Variants in DLST observed in about 807,000 individuals in gnomAD.
DLST encodes the protein dihydrolipoamide S-succinyltransferase, also known as dihydrolipoyllysine-residue succinyltransferase component of 2-oxoglutarate dehydrogenase complex, mitochondrial.
A neutral mutation model predicts 53.1 loss-of-function variants in DLST; 17 were observed. The ratio of observed to expected loss-of-function variants is 0.32; its 90% CI spans 0.22 to 0.48. The LOEUF (loss-of-function observed/expected upper bound fraction) is 0.48. Among genes scored for constraint, DLST ranks in the 20% least tolerant of loss-of-function variants. The pLI, the probability that DLST is intolerant of heterozygous loss-of-function variation, is 0.99. For missense variants in DLST, 512 were observed against 583.9 expected, an observed-to-expected ratio of 0.88 and a Z score of 1.27; for synonymous variants, 206 against 204.8, an observed-to-expected ratio of 1.01 and a Z score of -0.05.
intron 7 of DLST, 87 bp downstream of exon 7, chr14:74,891,254 C>T: frequency 6.3e-7 from 1 of 1,578,482 alleles, no homozygotes; most frequent in Non-Finnish European, 8.6e-7. Flanking sequence ...CCCGATATGT[C>T]AAAGACTCTT....
At chr14:74,882,114 G>C (rs1456376184) in intron 1 of DLST, 98 bp downstream of exon 1, 1 of 1,128,386 alleles carries the variant, frequency 8.9e-7, no homozygotes, top group Admixed American at 4.0e-5. Context: ...CGGCCGGGCC[G>C]GGCACCAAGG....
Position 74,900,339 on chromosome 14 carries a change from T to C in DLST, c.1026T>C (p.Asp342=), listed in dbSNP as rs1351377225. 6.2e-7 allele frequency: 1 copy of C among 1,614,016 alleles called. No homozygotes were observed. The change falls in exon 13 of 15, where the codon GAT becomes GAC. Residue 342 remains aspartate, a synonymous_variant. Transcript: ENST00000334220. ...IRNVEAMNFA[D]IERTITELGE... is the part of the protein sequence containing the mutation. The stretch of plus-strand genomic sequence containing the variant: ...ATGTGGAAGCTATGAATTTTGCAGA[T>C]ATTGAACGGACCATCACTGAACTGG...
chr14:74,895,890 T>C (rs745939112), intron 10 of DLST, among the ~76,000 whole-genome samples: 1 of 152,070 alleles, frequency 6.6e-6, no homozygotes, highest in Non-Finnish European at 1.5e-5. Context: ...AGCGAGATTG[T>C]GTCTCAAAAA....
intron 10 of DLST, among the ~76,000 whole-genome samples, chr14:74,896,215 A>G (rs1348310499): frequency 6.6e-6 from 1 of 152,250 alleles, no homozygotes; most frequent in East Asian, 1.9e-4. Flanking sequence ...TTGTGGAGAA[A>G]GGTCATTCCA....
intron 13 of DLST, 37 bp downstream of exon 13, chr14:74,900,409 C>A (rs759181378): frequency 1.8e-5 from 28 of 1,589,352 alleles, no homozygotes; most frequent in Admixed American, 1.0e-4. Flanking sequence ...GCTAAGCAGG[C>A]GAGGGAAGAG....
At chr14:74,893,325 C>T (rs1466309861) in intron 8 of DLST, 23 bp from the exon 9 acceptor site, 3 of 1,613,722 alleles carry the variant, frequency 1.9e-6, no homozygotes, top group East Asian at 4.5e-5. Context: ...TCTGATGCAG[C>T]TTTATCCTCT....
At chr14:74,882,447 CAGCACGGTGTGTTGCA>C in intron 1 of DLST, 128 bp from the exon 2 acceptor site, 1 of 746,898 alleles carries the variant, frequency 1.3e-6, no homozygotes, top group Non-Finnish European at 2.3e-6. Flanking sequence ...TTGGGTCTGC[CAGCACGGTGTGTTGCA>C]TTTACCTTCG....
At chr14:74,885,876 T>G in intron 3 of DLST, 1 of 432,806 alleles carries the variant, frequency 2.3e-6, no homozygotes, top group Non-Finnish European at 4.1e-6. Context: ...TGGATTATAA[T>G]GAAAGTTAAG....
intron 10 of DLST, among the ~76,000 whole-genome samples, chr14:74,898,018 A>T (rs952156138): frequency 4.0e-5 from 6 of 151,658 alleles, no homozygotes; most frequent in African/African-American, 7.3e-5. Context: ...ACTTTAAAAA[A>T]TTTTTTTTCA....
chr14:74,895,566 G>A (rs1284377916), intron 10 of DLST, among the ~76,000 whole-genome samples: 2 of 152,110 alleles, frequency 1.3e-5, no homozygotes, highest in Non-Finnish European at 2.9e-5. Context: ...AACCAGCCTG[G>A]GCAACATAGC....
At chr14:74,885,085 C>G (rs1196143440) in intron 2 of DLST, among the ~76,000 whole-genome samples, 1 of 152,142 alleles carries the variant, frequency 6.6e-6, no homozygotes, top group African/African-American at 2.4e-5. Flanking sequence ...CCTAAAGTAG[C>G]CAAGTCTTTG....
At chr14:74,889,476 C>T (rs765962437) in intron 5 of DLST, 127 bp downstream of exon 5, 40 of 761,126 alleles carry the variant, frequency 5.3e-5, no homozygotes, top group Non-Finnish European at 7.5e-5. Flanking sequence ...TCAAGTGATT[C>T]TCCTGCCTCA....
intron 14 of DLST, among the ~76,000 whole-genome samples, chr14:74,901,640 A>C (rs556761958): frequency 1.3e-4 from 20 of 152,270 alleles, no homozygotes; most frequent in Non-Finnish European, 2.8e-4. Context: ...ATTTCCCGGG[A>C]GTTCAGAGAA....
chr14:74,892,996 C>T lies in DLST; in HGVS notation c.595+10C>T, dbSNP rs565713023. 3.7e-5 allele frequency: 59 copies of T among 1,607,682 alleles called. 2 individuals are homozygous for T. The South Asian group carries it at 6.4e-4, about 18-fold the overall frequency. ...CCTTCTGGCAAACCTGGTAGGCTTC[C>T]AACTCCCACATGTCATGTGGGAGAA... On this transcript the variant is annotated intron_variant, in intron 8 of 14. Coordinates refer to ENST00000334220, the MANE Select transcript of DLST (RefSeq NM_001933.5).
rs1319568385 is a variant in DLST at position 74,885,978 on chromosome 14, TGTG to T, written c.146+346_146+348del. On this transcript the variant is annotated intron_variant, in intron 3 of 14. Coordinates refer to ENST00000334220, the MANE Select transcript of DLST (RefSeq NM_001933.5). ...CTGAAAGGCTCGAGGTTACATTTAT[TGTG>T]GAGATTGAGAGCATCCTCTCAGTAG... is the stretch of plus-strand genomic sequence containing the variant. The T allele has an allele frequency of 1.7e-4, 37 of 214,184 alleles. No individual in the cohort carries two copies. The East Asian group carries it at 3.7e-3, about 21-fold the overall frequency. 13.3% of individuals were successfully genotyped at this position (214,184 alleles called of 1,614,324 possible).
chr14:74,889,772 A>T, intron 5 of DLST, 125 bp from the exon 6 acceptor site: 1 of 842,244 alleles, frequency 1.2e-6, no homozygotes, highest in Non-Finnish European at 1.9e-6. Flanking sequence ...CGTTTTCTTT[A>T]CATATGTACT....
rs748168146 is a variant in DLST, at chr14:74,882,033, C to T, written c.63+17C>T. On this transcript the variant is annotated intron_variant, in intron 1 of 14. Transcript: ENST00000334220. ...TTCCAGAAGGTACGGTCTGGCCGAGCCGGGGCCCCGACGGGTGAGGAGTCT... is the reference window on the plus strand; with the variant it reads ...TTCCAGAAGGTACGGTCTGGCCGAGTCGGGGCCCCGACGGGTGAGGAGTCT... 6.5e-6 allele frequency: 10 copies of T among 1,540,386 alleles called. No individual in the cohort carries two copies. Among genetic ancestry groups the T allele is most frequent in the Non-Finnish European group, 8.7e-6 (10 of 1,152,334 alleles).
intron 7 of DLST, chr14:74,892,168 C>G (rs1426616707): frequency 6.6e-6 from 1 of 152,330 alleles, no homozygotes; most frequent in Non-Finnish European, 1.5e-5. Flanking sequence ...CTACAACCTC[C>G]GCCTCCGGAG....
Position 74,901,288 on chromosome 14 carries a change from C to T in DLST, c.1227+55C>T. 3 of 1,500,290 alleles carry T rather than the reference C, an allele frequency of 2.0e-6. No homozygotes were observed. In the Admixed American group the frequency reaches 6.3e-5, roughly 31 times the overall value. 92.9% of individuals were successfully genotyped at this position (1,500,290 alleles called of 1,614,324 possible). A position where few individuals can be genotyped will look rare whatever the true frequency, so the allele number is the denominator to read the frequency against. On this transcript the variant is annotated intron_variant, in intron 14 of 14. Coordinates refer to ENST00000334220, the MANE Select transcript of DLST (RefSeq NM_001933.5). ...GGCTAGGTCTCGATGAAAGGGAAAT[C>T]CAACTAAATGCTAATTGTAAAACAT...
Sources: gnomAD v4.1 joint callset for allele counts (sites outside exome capture counted in the v4.1 genomes callset) on GRCh38, gnomAD v4.1.1 for gene constraint, MANE v1.5 for transcripts, NCBI Gene and HGNC (gene_info 2026-07-23, HGNC 2026-07-21) for gene names.